Variants in ITCH observed in about 807,000 individuals in gnomAD.
The protein encoded by ITCH is itchy E3 ubiquitin protein ligase.
A neutral mutation model predicts 126.8 loss-of-function variants in ITCH; 28 were observed. The observed-to-expected ratio is 0.22, with a 90% CI of 0.16 to 0.30. ITCH has a LOEUF of 0.30. ITCH is among the 10% of genes least tolerant of loss of function. ITCH has a pLI of 1.00. For synonymous variants in ITCH, 342 were observed against 340.0 expected (o/e 1.01, Z -0.06); for missense variants, 631 against 1,032.4 (o/e 0.61, Z 5.33).
intron 20 of ITCH, among the ~76,000 whole-genome samples, chr20:34,484,117 A>G (rs1988950522): frequency 6.6e-6 from 1 of 152,184 alleles, no homozygotes; most frequent in Non-Finnish European, 1.5e-5. Flanking sequence ...GAGCTACAAG[A>G]TGTGATTTGG....
chr20:34,440,920 CTT>C (rs974750978), intron 9 of ITCH, among the ~76,000 whole-genome samples: 1 of 152,132 alleles, frequency 6.6e-6, no homozygotes, highest in Non-Finnish European at 1.5e-5. Flanking sequence ...TTCCAATTGC[CTT>C]TTTCTTTAAG....
At chr20:34,491,803 C>T (rs771654825) in intron 22 of ITCH, among the ~76,000 whole-genome samples, 1 of 152,138 alleles carries the variant, frequency 6.6e-6, no homozygotes, top group Non-Finnish European at 1.5e-5. Flanking sequence ...ATAAAAACCA[C>T]ATAATTCTAG....
chr20:34,448,341 C>T lies in ITCH; in HGVS notation c.1141-1070C>T, dbSNP rs186387058. On this transcript the variant is annotated intron_variant, in intron 11 of 24. Coordinates refer to ENST00000374864, the MANE Select transcript of ITCH (RefSeq NM_031483.7). ...CTGGGAGCCGGAGGCTACAGTGAGCCGAGATCGTGCCACTGTACTCCAGCC... is the reference window on the plus strand; with the variant it reads ...CTGGGAGCCGGAGGCTACAGTGAGCTGAGATCGTGCCACTGTACTCCAGCC... Among the ~76,000 whole-genome samples, 23 of 151,360 alleles carry T rather than the reference C, an allele frequency of 1.5e-4. No individual in the cohort carries two copies. The East Asian group carries it at 2.1e-3, about 14-fold the overall frequency.
chr20:34,476,340 C>G, intron 16 of ITCH: 1 of 1,301,762 alleles, frequency 7.7e-7, no homozygotes, highest in South Asian at 1.3e-5. Context: ...CCTCCGCGCT[C>G]CGGCCCGGTC....
At chr20:34,375,696 A>ATTTTTTTTTTTTTT (rs5841171) in intron 2 of ITCH, among the ~76,000 whole-genome samples, 2 of 65,524 alleles carry the variant, frequency 3.1e-5, no homozygotes, top group Non-Finnish European at 5.3e-5. Context: ...GGTAGTTAAA[A>ATTTTTTTTTTTTTT]TTTTTTTTTT....
chr20:34,455,871 G>A (rs1985851652), intron 12 of ITCH, among the ~76,000 whole-genome samples: 1 of 151,814 alleles, frequency 6.6e-6, no homozygotes, highest in Non-Finnish European at 1.5e-5. Context: ...GAATCCTAAA[G>A]CAAGAGGCAG....
chr20:34,377,512 A>G (rs1427333405), intron 2 of ITCH, among the ~76,000 whole-genome samples: 1 of 152,146 alleles, frequency 6.6e-6, no homozygotes, highest in Non-Finnish European at 1.5e-5. Context: ...CAAGGTTTGG[A>G]AACAATGACA....
At chr20:34,411,574 T>C (rs1199517984) in intron 4 of ITCH, among the ~76,000 whole-genome samples, 1 of 152,150 alleles carries the variant, frequency 6.6e-6, no homozygotes, top group East Asian at 1.9e-4. Context: ...AATTTTTAGT[T>C]TGTTTTATCT....
chr20:34,507,185 G>A (rs1238061294), intron 24 of ITCH, among the ~76,000 whole-genome samples: 4 of 149,162 alleles, frequency 2.7e-5, no homozygotes, highest in South Asian at 2.1e-4. Flanking sequence ...ACTACACTGC[G>A]TTATATTCCT....
At chr20:34,398,405 T>TC (rs1374403045) in intron 3 of ITCH, among the ~76,000 whole-genome samples, 2 of 151,798 alleles carry the variant, frequency 1.3e-5, no homozygotes, top group African/African-American at 4.8e-5. Context: ...ATATTCTTTT[T>TC]CTTTTTTTTT....
At position 34,396,180 on chromosome 20, in the gene ITCH, C is replaced by T. The variant is rs116777785; in HGVS notation, c.70+2299C>T. 7.8e-3 allele frequency among the ~76,000 whole-genome samples: 1,176 copies of T among 151,404 alleles called. 16 individuals carry two copies. The highest frequency in any genetic ancestry group is 0.027 in the African/African-American group (1,110 of 41,254). ...TTCTGAGTAGCTGGGACTACCGGCA[C>T]GCACAACCATGTGTAGCTAATTTTT... is the stretch of plus-strand genomic sequence containing the variant. On this transcript the variant is annotated intron_variant, in intron 3 of 24. Coordinates refer to ENST00000374864, the MANE Select transcript of ITCH (RefSeq NM_031483.7).
chr20:34,470,386 C>T (rs1023151430), intron 15 of ITCH, among the ~76,000 whole-genome samples: 1 of 151,384 alleles, frequency 6.6e-6, no homozygotes, highest in Non-Finnish European at 1.5e-5. Flanking sequence ...AGTTCAGGAC[C>T]AGTCTGGGCA....
intron 12 of ITCH, among the ~76,000 whole-genome samples, chr20:34,455,380 A>G (rs1487127593): frequency 6.6e-6 from 1 of 152,244 alleles, no homozygotes; most frequent in Non-Finnish European, 1.5e-5. Context: ...ATTCATTGGT[A>G]ATGGGACAGA....
intron 16 of ITCH, among the ~76,000 whole-genome samples, chr20:34,475,499 AC>A (rs1455106886): frequency 2.0e-5 from 3 of 152,184 alleles, no homozygotes; most frequent in Non-Finnish European, 4.4e-5. Context: ...CCAAAAAAAT[AC>A]GAAAACCAGT....
chr20:34,436,641 C>CT (rs924796959), intron 7 of ITCH, among the ~76,000 whole-genome samples: 3 of 152,216 alleles, frequency 2.0e-5, no homozygotes, highest in Admixed American at 6.5e-5. Context: ...CTTGTCATAC[C>CT]TTACTGTCCA....
chr20:34,438,671 C>T (rs756805806), intron 8 of ITCH, 40 bp downstream of exon 8: 14 of 1,607,556 alleles, frequency 8.7e-6, no homozygotes, highest in Middle Eastern at 1.9e-4. Context: ...AAATAATGTC[C>T]TGGTTGGCAA....
In ITCH at chr20:34,471,531, C is replaced by G; in HGVS notation, c.1569+16C>G. The G allele has an allele frequency of 1.3e-6, 2 of 1,502,848 alleles. No individual in the cohort carries two copies. The highest frequency in any genetic ancestry group is 1.9e-6 in the Non-Finnish European group (2 of 1,078,586). The allele number at this position is 1,502,848 out of a possible 1,614,324, so 93.1% of individuals were successfully genotyped here. A position where few individuals can be genotyped will look rare whatever the true frequency, so the allele number is the denominator to read the frequency against. On this transcript the variant is annotated intron_variant, in intron 16 of 24. Coordinates refer to ENST00000374864, the MANE Select transcript of ITCH (RefSeq NM_031483.7). ...CTTTCAACAGGTACTGTTTCATTCT[C>G]TCAATAATTTCCCCCCTGGCTGCTA...
At chr20:34,448,376 G>A (rs1984731769) in intron 11 of ITCH, among the ~76,000 whole-genome samples, 1 of 151,610 alleles carries the variant, frequency 6.6e-6, no homozygotes. Flanking sequence ...CTGGGCGACA[G>A]AGTGAGACTC....
intron 23 of ITCH, among the ~76,000 whole-genome samples, chr20:34,499,743 T>C (rs1368067817): frequency 6.6e-6 from 1 of 152,144 alleles, no homozygotes; most frequent in Non-Finnish European, 1.5e-5. Context: ...TGGGTTTGCT[T>C]TGTTCTTTTC....
Sources: gnomAD v4.1 joint callset for allele counts (sites outside exome capture counted in the v4.1 genomes callset) on GRCh38, gnomAD v4.1.1 for gene constraint, MANE v1.5 for transcripts, NCBI Gene and HGNC (gene_info 2026-07-23, HGNC 2026-07-21) for gene names.